Variants in TLCD4 observed in about 807,000 individuals in gnomAD.
The protein encoded by TLCD4 is TLC domain-containing protein 4.
TLCD4 carries 7 observed loss-of-function variants against 24.2 expected under a neutral mutation model. The ratio of observed to expected loss-of-function variants is 0.29; its 90% CI spans 0.16 to 0.54. The LOEUF is 0.54. TLCD4 is among the 20% of genes least tolerant of loss of function. The pLI is 0.95. For synonymous variants in TLCD4, 103 were observed against 106.4 expected (o/e 0.97, Z 0.20); for missense variants, 259 against 313.9 (o/e 0.82, Z 1.32).
the TLCD4 span, among the ~76,000 whole-genome samples, chr1:95,100,104 C>CA: frequency 2.0e-5 from 3 of 150,328 alleles, no homozygotes; most frequent in South Asian, 4.2e-4. Flanking sequence ...GACCCCATCT[C>CA]AAAAAAAATA....
chr1:95,129,536 G>A (rs1411364305), intron 1 of TLCD4, among the ~76,000 whole-genome samples: 1 of 152,184 alleles, frequency 6.6e-6, no homozygotes, highest in East Asian at 1.9e-4. Flanking sequence ...GAGGTCAAGA[G>A]TTCGAGACCA....
At chr1:95,114,562 A>G (rs1000173242), upstream of TLCD4, among the ~76,000 whole-genome samples, 1 of 152,120 alleles carries the variant, frequency 6.6e-6, no homozygotes, top group Non-Finnish European at 1.5e-5. Context: ...TTGGCTGGAC[A>G]TGGTAGCCTG....
At chr1:95,143,335 A>G (rs904134765) in intron 1 of TLCD4, among the ~76,000 whole-genome samples, 2 of 152,178 alleles carry the variant, frequency 1.3e-5, no homozygotes, top group Non-Finnish European at 2.9e-5. Context: ...GCTCTTTGCT[A>G]AGACTGTGTT....
At chr1:95,115,082 T>C (rs975611550), upstream of TLCD4, among the ~76,000 whole-genome samples, 1 of 123,798 alleles carries the variant, frequency 8.1e-6, no homozygotes, top group African/African-American at 2.8e-5. Flanking sequence ...TATATATATA[T>C]ACACATTATA....
At chr1:95,185,117 T>G (rs141217634) in intron 6 of TLCD4, among the ~76,000 whole-genome samples, 5 of 152,258 alleles carry the variant, frequency 3.3e-5, no homozygotes, top group Non-Finnish European at 5.9e-5. Flanking sequence ...GTTGCAGTCA[T>G]ATCGTCTTGG....
At chr1:95,167,992 C>G (rs984346247) in intron 5 of TLCD4, among the ~76,000 whole-genome samples, 1 of 152,154 alleles carries the variant, frequency 6.6e-6, no homozygotes, top group Non-Finnish European at 1.5e-5. Context: ...TCGTCACCCC[C>G]ACGACCTGGT....
chr1:95,107,372 G>A, the TLCD4 span, among the ~76,000 whole-genome samples: 11 of 152,294 alleles, frequency 7.2e-5, no homozygotes, highest in Middle Eastern at 3.4e-3. Flanking sequence ...GCAGTGAGCC[G>A]AGATTGCGCC....
intron 1 of TLCD4, among the ~76,000 whole-genome samples, chr1:95,124,641 A>C (rs1676660532): frequency 6.6e-6 from 1 of 152,182 alleles, no homozygotes; most frequent in African/African-American, 2.4e-5. Flanking sequence ...GAGGACCTAA[A>C]GGGACACATG....
Position 95,149,596 on chromosome 1 carries a change from C to G in TLCD4, c.246-612C>G, listed in dbSNP as rs375731739. Among the ~76,000 whole-genome samples the G allele has an allele frequency of 2.4e-4, 36 of 152,202 alleles. No individual in the cohort carries two copies. The East Asian group carries it at 4.6e-3, about 20-fold the overall frequency. ...ACATTTTCATTGGGATGCTGTTTTTCAAAGAGAATTAATTTATTGAATTTA... is the reference window on the plus strand; with the variant it reads ...ACATTTTCATTGGGATGCTGTTTTTGAAAGAGAATTAATTTATTGAATTTA... On this transcript the variant is annotated intron_variant, in intron 3 of 6. Transcript: ENST00000370203.
intron 1 of TLCD4, among the ~76,000 whole-genome samples, chr1:95,133,741 A>G (rs1476392204): frequency 6.6e-6 from 1 of 151,712 alleles, no homozygotes; most frequent in African/African-American, 2.4e-5. Context: ...AGTGGAGGGC[A>G]GTGTTGAGGG....
intron 6 of TLCD4, among the ~76,000 whole-genome samples, chr1:95,178,347 C>T (rs1678507378): frequency 6.6e-6 from 1 of 152,134 alleles, no homozygotes; most frequent in Non-Finnish European, 1.5e-5. Flanking sequence ...GCAACCCCAA[C>T]CTCCCAGGTT....
the TLCD4 span, among the ~76,000 whole-genome samples, chr1:95,099,716 A>G: frequency 6.6e-6 from 1 of 152,212 alleles, no homozygotes. Context: ...TGTAATGTTT[A>G]TTGAGTATAA....
chr1:95,097,640 G>C, the TLCD4 span, among the ~76,000 whole-genome samples: 2 of 152,228 alleles, frequency 1.3e-5, no homozygotes, highest in East Asian at 3.8e-4. Context: ...GGTTGTAAAT[G>C]AGAGAGGACA....
intron 5 of TLCD4, among the ~76,000 whole-genome samples, chr1:95,153,176 A>G (rs1484718631): frequency 6.6e-6 from 1 of 151,864 alleles, no homozygotes; most frequent in African/African-American, 2.4e-5. Flanking sequence ...GTTTAATGGT[A>G]CAGAGTTTCC....
At position 95,143,872 on chromosome 1, in the gene TLCD4, C is replaced by T. The variant is rs1430785251; in HGVS notation, c.-11-19C>T. 2.2e-6 allele frequency: 3 copies of T among 1,348,934 alleles called. No homozygotes were observed. The highest frequency in any genetic ancestry group is 3.0e-5 in the African/African-American group (2 of 66,686). The allele number at this position is 1,348,934 out of a possible 1,614,324, so 83.6% of individuals were successfully genotyped here. A position where few individuals can be genotyped will look rare whatever the true frequency, so the allele number is the denominator to read the frequency against. On this transcript the variant is annotated intron_variant, in intron 1 of 6. Coordinates refer to ENST00000370203, the MANE Select transcript of TLCD4 (RefSeq NM_152487.3). The stretch of plus-strand genomic sequence containing the variant: ...TTTATTATGAGACAACAATTTATAG[C>T]TGTCATTTATCTTAACAGGTTGAAG...
intron 1 of TLCD4, among the ~76,000 whole-genome samples, chr1:95,142,130 C>CTTTTTTTTTTT (rs35609217): frequency 8.4e-6 from 1 of 119,284 alleles, no homozygotes; most frequent in Non-Finnish European, 1.7e-5. Context: ...GCCTTAGTGC[C>CTTTTTTTTTTT]TTTTTTTTTT....
chr1:95,142,999 C>G (rs1677248889), intron 1 of TLCD4, among the ~76,000 whole-genome samples: 1 of 151,976 alleles, frequency 6.6e-6, no homozygotes. Flanking sequence ...AGTTACACTT[C>G]TGTGCAAAGG....
At chr1:95,145,399 C>G (rs1677316440) in intron 2 of TLCD4, among the ~76,000 whole-genome samples, 1 of 152,012 alleles carries the variant, frequency 6.6e-6, no homozygotes, top group Non-Finnish European at 1.5e-5. Context: ...TAATAAGACT[C>G]TAGTTGTTTT....
At chr1:95,170,328 T>G (rs1160887145) in intron 5 of TLCD4, among the ~76,000 whole-genome samples, 1 of 115,618 alleles carries the variant, frequency 8.6e-6, no homozygotes, top group African/African-American at 2.7e-5. Flanking sequence ...ATACAAATCA[T>G]TCTTTTTTTT....
Sources: gnomAD v4.1 joint callset for allele counts (sites outside exome capture counted in the v4.1 genomes callset) on GRCh38, gnomAD v4.1.1 for gene constraint, MANE v1.5 for transcripts, NCBI Gene and HGNC (gene_info 2026-07-23, HGNC 2026-07-21) for gene names.